The following TMPRSS5 variants were observed in gnomAD, a reference collection of about 807,000 sequenced individuals.
The protein encoded by TMPRSS5 is transmembrane serine protease 5.
TMPRSS5 carries 45 observed loss-of-function variants against 59.7 expected under a neutral mutation model. The observed-to-expected ratio is 0.75, with a 90% CI of 0.59 to 0.97. The LOEUF is 0.97. TMPRSS5 is among the 50% of genes least tolerant of loss of function. TMPRSS5 has a pLI of 0.00. For synonymous variants in TMPRSS5, 225 were observed against 232.0 expected (o/e 0.97, Z 0.27); for missense variants, 585 against 596.7 (o/e 0.98, Z 0.20).
chr11:113,704,875 A>C (rs1380833060), intron 1 of TMPRSS5, among the ~76,000 whole-genome samples: 1 of 114,508 alleles, frequency 8.7e-6, no homozygotes, highest in East Asian at 3.1e-4. Context: ...GAAGGAAAGA[A>C]GGGAGGGGGG....
chr11:113,690,774 G>A, intron 10 of TMPRSS5, 67 bp downstream of exon 10: 1 of 1,414,644 alleles, frequency 7.1e-7, no homozygotes, highest in African/African-American at 1.4e-5. Flanking sequence ...ATGTGGCCTT[G>A]CCTCACCCTG....
At chr11:113,702,122 ATT>A in intron 1 of TMPRSS5, among the ~76,000 whole-genome samples, 1 of 152,172 alleles carries the variant, frequency 6.6e-6, no homozygotes, top group African/African-American at 2.4e-5. Flanking sequence ...ACATTATCTC[ATT>A]CTTTTTATGG....
chr11:113,704,212 A>G (rs577420707), intron 1 of TMPRSS5, among the ~76,000 whole-genome samples: 1 of 152,322 alleles, frequency 6.6e-6, no homozygotes, highest in East Asian at 1.9e-4. Context: ...CTTAAAAAAA[A>G]CACCAGACAG....
chr11:113,705,972 G>A (rs1953279736), intron 1 of TMPRSS5, among the ~76,000 whole-genome samples: 4 of 152,300 alleles, frequency 2.6e-5, no homozygotes, highest in East Asian at 3.9e-4. Context: ...ACGTAATAAC[G>A]ATTTGTTGAG....
intron 1 of TMPRSS5, among the ~76,000 whole-genome samples, chr11:113,700,377 C>A (rs1243422102): frequency 1.3e-5 from 2 of 152,184 alleles, no homozygotes; most frequent in Admixed American, 6.5e-5. Flanking sequence ...ACCCCAATGA[C>A]CTTACTCTCA....
chr11:113,705,019 C>T (rs2134834387), intron 1 of TMPRSS5, among the ~76,000 whole-genome samples: 1 of 152,156 alleles, frequency 6.6e-6, no homozygotes, highest in South Asian at 2.1e-4. Flanking sequence ...TCCTTCCCCC[C>T]AAAATTTATA....
rs571666304 is a variant in TMPRSS5 at position 113,699,957 on chromosome 11, C to T, written c.106+109G>A. 1,122 of 1,541,390 alleles carry T rather than the reference C, an allele frequency of 7.3e-4. 5 individuals carry two copies. The African/African-American group carries it at 0.013, about 18-fold the overall frequency. ...CTGGGGATAAAGAGTGAGACAGCCT[C>T]TCACCATCAATCATGTGGGGCTGAC... On this transcript the variant is annotated intron_variant, in intron 2 of 12. Transcript: ENST00000299882.
chr11:113,688,932 G>A (rs1010384674), intron 12 of TMPRSS5, among the ~76,000 whole-genome samples: 2 of 152,118 alleles, frequency 1.3e-5, no homozygotes, highest in East Asian at 1.9e-4. Context: ...TGGCTTGCCC[G>A]GAGTCACACA....
Position 113,697,430 on chromosome 11 carries a change from G to C in TMPRSS5, c.329-12C>G. On this transcript the variant is annotated splice_polypyrimidine_tract_variant and intron_variant, in intron 4 of 12. Coordinates refer to ENST00000299882, the MANE Select transcript of TMPRSS5 (RefSeq NM_030770.4). The stretch of plus-strand genomic sequence containing the variant: ...TATTCTGAAAGATACTGAAATCACA[G>C]CATGAAAACCACATGGGAGAGGATG... 1 of 1,613,082 alleles carries C rather than the reference G, an allele frequency of 6.2e-7. No homozygotes were observed. Among genetic ancestry groups the C allele is most frequent in the Non-Finnish European group, 8.5e-7 (1 of 1,179,318 alleles).
chr11:113,699,636 A>T lies in TMPRSS5; in HGVS notation c.164T>A (p.Leu55Gln), dbSNP rs750896398. 2 of 1,585,650 alleles carry T rather than the reference A, an allele frequency of 1.3e-6. No homozygotes were observed. The highest frequency in any genetic ancestry group is 1.2e-5 in the South Asian group (1 of 86,248). The change falls in exon 3 of 13, where the codon CTG becomes CAG. Residue 55 changes from leucine (L) to glutamine (Q), a missense_variant. Transcript: ENST00000299882. ...AACACCTGCACCGGCCAGCAGCCCCAGGGCTCCCAGCACTGCACAGCCACG... is the reference window on the plus strand; with the variant it reads ...AACACCTGCACCGGCCAGCAGCCCCTGGGCTCCCAGCACTGCACAGCCACG... ...MRRGCAVLGA[L>Q]GLLAGAGVGS...
intron 9 of TMPRSS5, 66 bp downstream of exon 9, chr11:113,693,005 C>T: frequency 3.6e-6 from 4 of 1,116,112 alleles, no homozygotes; most frequent in Non-Finnish European, 5.3e-6. Context: ...TCACCACTCT[C>T]CCACCCAGCC....
intron 12 of TMPRSS5, among the ~76,000 whole-genome samples, chr11:113,689,255 C>A (rs943151559): frequency 6.6e-6 from 1 of 152,090 alleles, no homozygotes; most frequent in African/African-American, 2.4e-5. Flanking sequence ...ACTTGGGAGG[C>A]TGAGGCAGGA....
chr11:113,700,224 A>C, intron 1 of TMPRSS5, 56 bp from the exon 2 acceptor site: 1 of 1,423,402 alleles, frequency 7.0e-7, no homozygotes, highest in Non-Finnish European at 9.4e-7. Context: ...TGCTGAGAGA[A>C]GTCACAGCCC....
intron 3 of TMPRSS5, among the ~76,000 whole-genome samples, 180 bp downstream of exon 3, chr11:113,699,415 T>A (rs1269768875): frequency 6.6e-6 from 1 of 152,074 alleles, no homozygotes; most frequent in Non-Finnish European, 1.5e-5. Context: ...CCTTGGATCA[T>A]ACACTTTGTT....
chr11:113,700,039 AT>A (rs1192522258), intron 2 of TMPRSS5, 26 bp downstream of exon 2: 1 of 1,553,466 alleles, frequency 6.4e-7, no homozygotes, highest in Non-Finnish European at 8.7e-7. Context: ...CCACCCTGTC[AT>A]TCCCCTATGG....
At chr11:113,704,747 G>A (rs1469354895) in intron 1 of TMPRSS5, among the ~76,000 whole-genome samples, 1 of 151,810 alleles carries the variant, frequency 6.6e-6, no homozygotes, top group African/African-American at 2.4e-5. Context: ...CACCTGTTGG[G>A]CCCTATATTG....
intron 1 of TMPRSS5, among the ~76,000 whole-genome samples, chr11:113,705,339 C>T (rs915747682): frequency 4.6e-5 from 7 of 152,120 alleles, no homozygotes; most frequent in African/African-American, 1.7e-4. Flanking sequence ...CAAATTGCCC[C>T]GAAAATCATT....
chr11:113,695,368 C>T (rs781223013), intron 7 of TMPRSS5, 32 bp downstream of exon 7: 82 of 1,612,822 alleles, frequency 5.1e-5, no homozygotes, highest in South Asian at 2.2e-4. Context: ...TTCCTCTCAC[C>T]GCCACCTCCC....
At chr11:113,699,233 C>G (rs935760126) in intron 3 of TMPRSS5, among the ~76,000 whole-genome samples, 21 of 60,338 alleles carry the variant, frequency 3.5e-4, no homozygotes, top group Middle Eastern at 7.6e-3. Flanking sequence ...CTCTCTCTCT[C>G]TCTCTCTCTC....
Sources: allele counts gnomAD v4.1 joint callset (sites outside exome capture counted in the v4.1 genomes callset), GRCh38; gene constraint gnomAD v4.1.1; transcripts MANE v1.5; gene names NCBI Gene and HGNC (gene_info 2026-07-23, HGNC 2026-07-21).